DOCK3: variants seen among roughly 807,000 people sequenced by gnomAD.
The protein encoded by DOCK3 is dedicator of cytokinesis protein 3.
In DOCK3, 60 loss-of-function variants were observed where a neutral mutation model predicts 265.6. The ratio of observed to expected loss-of-function variants is 0.23; its 90% CI spans 0.18 to 0.28. The LOEUF (loss-of-function observed/expected upper bound fraction) is 0.28, where lower values mean the gene tolerates loss of function less well. DOCK3 is among the 10% of genes least tolerant of loss of function. DOCK3 has a pLI of 1.00. For synonymous variants in DOCK3, 881 were observed against 938.0 expected, an observed-to-expected ratio of 0.94 and a Z score of 1.11; for missense variants, 1,981 against 2,594.3, an observed-to-expected ratio of 0.76 and a Z score of 5.14.
intron 1 of DOCK3, among the ~76,000 whole-genome samples, chr3:50,736,914 G>A (rs1285672971): frequency 6.6e-6 from 1 of 151,806 alleles, no homozygotes; most frequent in Admixed American, 6.6e-5. Context: ...GGATGGTCTC[G>A]ATCTCCTGAC....
intron 49 of DOCK3, among the ~76,000 whole-genome samples, chr3:51,371,677 T>C (rs538960610): frequency 2.6e-5 from 4 of 152,352 alleles, no homozygotes; most frequent in Admixed American, 1.3e-4. Context: ...AGCCTTTGCA[T>C]TGGGGTTACT....
chr3:51,034,361 T>C (rs986555641), intron 5 of DOCK3, among the ~76,000 whole-genome samples: 6 of 152,120 alleles, frequency 3.9e-5, no homozygotes, highest in Non-Finnish European at 8.8e-5. Context: ...AATTCTATTA[T>C]AATTTATGTA....
chr3:50,690,382 C>T lies in DOCK3; in HGVS notation c.37+15082C>T, dbSNP rs1228290356. On this transcript the variant is annotated intron_variant, in intron 1 of 52. Transcript: ENST00000266037. Reference sequence around the variant, plus strand: ...CCCTTGGCCTCAAGAGACCCTTCTACCTTGGCCTCCCAGAAAGCTGGAGTT... The same window carrying T: ...CCCTTGGCCTCAAGAGACCCTTCTATCTTGGCCTCCCAGAAAGCTGGAGTT... Among the ~76,000 whole-genome samples the T allele has an allele frequency of 3.9e-5, 6 of 152,026 alleles. No homozygotes were observed. The East Asian group carries it at 1.2e-3, about 29-fold the overall frequency.
Position 51,374,367 on chromosome 3 carries a change from A to G in DOCK3, c.5294-102A>G, listed in dbSNP as rs2087922570. 2 of 1,068,986 alleles carry G rather than the reference A, an allele frequency of 1.9e-6. No individual in the cohort carries two copies. Among genetic ancestry groups the G allele is most frequent in the Admixed American group, 2.0e-5 (1 of 49,410 alleles). 66.2% of individuals were successfully genotyped at this position (1,068,986 alleles called of 1,614,324 possible). On this transcript the variant is annotated intron_variant, in intron 49 of 52. Transcript: ENST00000266037. The surrounding 1 kb of genome is among the most constrained non-coding windows in gnomAD (Gnocchi z 4.8). The stretch of plus-strand genomic sequence containing the variant: ...CTGAGTTCATCCTCACCCTAACTGT[A>G]AGGGACACCTACCCTGGTTCCCTAG...
rs183996839 is a variant in DOCK3, at chr3:51,294,741, A to T, written c.2922+14537A>T. Among the ~76,000 whole-genome samples, 426 of 150,430 alleles carry T rather than the reference A, an allele frequency of 2.8e-3. 1 individual carries two copies. Among genetic ancestry groups the T allele is most frequent in the Non-Finnish European group, 4.6e-3 (309 of 67,892 alleles). On this transcript the variant is annotated intron_variant, in intron 27 of 52. Transcript: ENST00000266037. Reference sequence around the variant, plus strand: ...AAAAGTAGATAGTAGAATGATGGTTACCAGAGGCTGGGGGTGGGGGCAGTA... The same window carrying T: ...AAAAGTAGATAGTAGAATGATGGTTTCCAGAGGCTGGGGGTGGGGGCAGTA...
At chr3:51,142,356 A>G (rs1368640900) in intron 9 of DOCK3, among the ~76,000 whole-genome samples, 2 of 152,196 alleles carry the variant, frequency 1.3e-5, no homozygotes, top group African/African-American at 4.8e-5. Flanking sequence ...AGAACATTTC[A>G]TCACTCTCAA....
At chr3:51,144,847 T>C (rs575144936) in intron 9 of DOCK3, among the ~76,000 whole-genome samples, 20 of 152,300 alleles carry the variant, frequency 1.3e-4, no homozygotes, top group African/African-American at 4.3e-4. Flanking sequence ...ATATATTCCA[T>C]GAGTACATGA....
At chr3:51,250,579 G>A (rs150531950) in intron 22 of DOCK3, among the ~76,000 whole-genome samples, 3 of 152,192 alleles carry the variant, frequency 2.0e-5, no homozygotes, top group East Asian at 1.9e-4. Context: ...AGATTGTGCC[G>A]CTGCACTCCA....
At chr3:51,183,723 C>T (rs2087434019) in intron 12 of DOCK3, among the ~76,000 whole-genome samples, 1 of 151,966 alleles carries the variant, frequency 6.6e-6, no homozygotes, top group East Asian at 1.9e-4. Flanking sequence ...CAGTTTATAC[C>T]AGGCTCCTAC....
At chr3:50,899,943 T>A (rs2049093169) in intron 4 of DOCK3, among the ~76,000 whole-genome samples, 1 of 152,140 alleles carries the variant, frequency 6.6e-6, no homozygotes, top group Non-Finnish European at 1.5e-5. Context: ...ATCTGATAAT[T>A]ATGTGTCTTG....
chr3:51,254,111 C>T (rs548747579), intron 22 of DOCK3, among the ~76,000 whole-genome samples: 1 of 152,178 alleles, frequency 6.6e-6, no homozygotes, highest in East Asian at 1.9e-4. Flanking sequence ...TTTCTGCCTT[C>T]ATTTTGTTAT....
chr3:51,191,566 T>C (rs749220190), intron 12 of DOCK3, among the ~76,000 whole-genome samples: 1 of 152,010 alleles, frequency 6.6e-6, no homozygotes, highest in African/African-American at 2.4e-5. Context: ...CTAGAGGCAG[T>C]GTCTCCCCTT....
At chr3:51,309,365 T>C (rs1186399027) in intron 27 of DOCK3, among the ~76,000 whole-genome samples, 2 of 152,194 alleles carry the variant, frequency 1.3e-5, no homozygotes, top group Admixed American at 6.5e-5. Flanking sequence ...GCGGATCACT[T>C]GCGGTTAGGA....
intron 2 of DOCK3, among the ~76,000 whole-genome samples, chr3:50,806,943 T>C (rs919033178): frequency 2.6e-5 from 4 of 152,098 alleles, no homozygotes; most frequent in African/African-American, 9.7e-5. Flanking sequence ...TGTAGGCCTT[T>C]GCAGTGGTGG....
intron 5 of DOCK3, among the ~76,000 whole-genome samples, chr3:51,013,094 A>G (rs925556560): frequency 1.3e-5 from 2 of 152,132 alleles, no homozygotes; most frequent in Non-Finnish European, 2.9e-5. Context: ...GGGTTCGAAC[A>G]TCCTCCTTTA....
At chr3:50,727,435 C>A (rs980855962) in intron 1 of DOCK3, among the ~76,000 whole-genome samples, 2 of 152,070 alleles carry the variant, frequency 1.3e-5, no homozygotes, top group Non-Finnish European at 1.5e-5. Context: ...TGGTGGCTCA[C>A]GCCTGTAATT....
At chr3:50,884,137 C>G (rs964030256) in intron 3 of DOCK3, among the ~76,000 whole-genome samples, 4 of 149,902 alleles carry the variant, frequency 2.7e-5, no homozygotes, top group African/African-American at 7.4e-5. Flanking sequence ...CTCTTTCAGG[C>G]TGGAGTGCAG....
chr3:51,059,454 ACC>A (rs1491348090), intron 5 of DOCK3, among the ~76,000 whole-genome samples: 3 of 90,558 alleles, frequency 3.3e-5, no homozygotes, highest in South Asian at 3.9e-4. Context: ...TAGAAAAAAA[ACC>A]ACACACACAC....
intron 22 of DOCK3, among the ~76,000 whole-genome samples, chr3:51,250,894 A>G (rs2079182047): frequency 6.6e-6 from 1 of 152,186 alleles, no homozygotes; most frequent in Non-Finnish European, 1.5e-5. Flanking sequence ...TTATACTTAA[A>G]GTTCTAGGAT....
Sources: gnomAD v4.1 joint callset for allele counts (sites outside exome capture counted in the v4.1 genomes callset) on GRCh38, gnomAD v4.1.1 for gene constraint, Gnocchi (gnomAD v3.1) non-coding constraint, MANE v1.5 for transcripts, NCBI Gene and HGNC (gene_info 2026-07-23, HGNC 2026-07-21) for gene names.